KLF13: variants seen among roughly 807,000 people sequenced by gnomAD.
KLF13 encodes Krueppel-like factor 13.
In KLF13, 8 loss-of-function variants were observed where a neutral mutation model predicts 16.7. The ratio of observed to expected loss-of-function variants is 0.48; its 90% confidence interval spans 0.28 to 0.87. KLF13 has a LOEUF of 0.87. KLF13 is among the 40% of genes least tolerant of loss of function. The pLI is 0.10. For missense variants in KLF13, 447 were observed against 452.2 expected (o/e 0.99, Z 0.10); for synonymous variants, 245 against 208.4 (o/e 1.18, Z -1.51).
intron 1 of KLF13, among the ~76,000 whole-genome samples, chr15:31,422,375 C>T (rs1388180803): frequency 6.6e-6 from 1 of 152,134 alleles, no homozygotes; most frequent in East Asian, 1.9e-4. Flanking sequence ...AAAGGAGAAG[C>T]AGGCACCTTC....
intron 1 of KLF13, among the ~76,000 whole-genome samples, chr15:31,365,043 T>C (rs1006531346): frequency 3.3e-5 from 5 of 152,156 alleles, no homozygotes; most frequent in African/African-American, 1.2e-4. Flanking sequence ...GTGAACAGTC[T>C]TCCTGGAGTG....
downstream of KLF13, among the ~76,000 whole-genome samples, chr15:31,404,901 A>G (rs1189899334): frequency 6.6e-6 from 1 of 152,110 alleles, no homozygotes; most frequent in Non-Finnish European, 1.5e-5. Flanking sequence ...TAGGGTCTTC[A>G]CTCAGGGGTA....
chr15:31,332,277 C>T (rs147289553), intron 1 of KLF13, among the ~76,000 whole-genome samples: 21 of 152,334 alleles, frequency 1.4e-4, no homozygotes, highest in African/African-American at 4.8e-4. Context: ...TATTGTGTCA[C>T]GACTCCACCT....
intron 1 of KLF13, among the ~76,000 whole-genome samples, chr15:31,434,146 G>A (rs2040503151): frequency 6.6e-6 from 1 of 152,220 alleles, no homozygotes; most frequent in Non-Finnish European, 1.5e-5. Flanking sequence ...CAGGCTCGTT[G>A]CTTCGCGTCC....
intron 1 of KLF13, among the ~76,000 whole-genome samples, chr15:31,338,760 C>A (rs745483757): frequency 6.6e-6 from 1 of 152,010 alleles, no homozygotes; most frequent in South Asian, 2.1e-4. Flanking sequence ...TGGCCCTGGC[C>A]GGGTTAATGG....
chr15:31,362,153 T>C (rs1025760730), intron 1 of KLF13, among the ~76,000 whole-genome samples: 1 of 152,184 alleles, frequency 6.6e-6, no homozygotes, highest in African/African-American at 2.4e-5. Flanking sequence ...TGAAGGGGGC[T>C]TCTGACGTGG....
downstream of KLF13, among the ~76,000 whole-genome samples, chr15:31,379,456 A>G (rs1302935749): frequency 6.6e-6 from 1 of 151,960 alleles, no homozygotes; most frequent in Non-Finnish European, 1.5e-5. Flanking sequence ...AAAAAAAAAA[A>G]GCCTGTCAGT....
intron 1 of KLF13, among the ~76,000 whole-genome samples, chr15:31,385,280 C>G (rs1595489603): frequency 1.3e-5 from 2 of 152,334 alleles, no homozygotes; most frequent in South Asian, 4.1e-4. Flanking sequence ...AGACCAAGAG[C>G]ATGAAACCTA....
At chr15:31,356,276 G>A (rs1217200677) in intron 1 of KLF13, among the ~76,000 whole-genome samples, 1 of 152,138 alleles carries the variant, frequency 6.6e-6, no homozygotes, top group Non-Finnish European at 1.5e-5. Flanking sequence ...AGAACTGGCC[G>A]GGCGCGGTGG....
At chr15:31,388,712 AT>A (rs1173666530), upstream of KLF13, among the ~76,000 whole-genome samples, 2 of 143,260 alleles carry the variant, frequency 1.4e-5, no homozygotes, top group Non-Finnish European at 3.0e-5. Context: ...TGTTGGTTTT[AT>A]TTTTAAAATT....
intron 1 of KLF13, among the ~76,000 whole-genome samples, chr15:31,428,427 A>T (rs570220744): frequency 1.3e-5 from 2 of 152,358 alleles, no homozygotes; most frequent in South Asian, 4.1e-4. Flanking sequence ...TCATAAATTC[A>T]TCTTTAGATT....
At chr15:31,417,541 T>C (rs1189253301) in intron 1 of KLF13, among the ~76,000 whole-genome samples, 1 of 151,760 alleles carries the variant, frequency 6.6e-6, no homozygotes, top group Non-Finnish European at 1.5e-5. Flanking sequence ...GTATTCTGTC[T>C]TTTTTTTCCT....
intron 1 of KLF13, among the ~76,000 whole-genome samples, chr15:31,384,140 T>C (rs2039766698): frequency 1.3e-5 from 2 of 152,060 alleles, no homozygotes; most frequent in African/African-American, 4.8e-5. Context: ...TTTAAATGCA[T>C]AGAAAAAGGG....
At chr15:31,410,088 T>C (rs2141000408) in intron 1 of KLF13, among the ~76,000 whole-genome samples, 2 of 152,140 alleles carry the variant, frequency 1.3e-5, no homozygotes, top group Middle Eastern at 3.4e-3. Context: ...GTAAAATGTG[T>C]GACAATAGCA....
chr15:31,380,263 G>T (rs34330873), downstream of KLF13, among the ~76,000 whole-genome samples: 73,415 of 151,982 alleles, frequency 0.48, 17,906 homozygotes, highest in East Asian at 0.59. Context: ...CTGCACTTCA[G>T]CATGGACAAC....
intron 1 of KLF13, among the ~76,000 whole-genome samples, chr15:31,423,164 T>TACGTATACATATAC (rs371896440): frequency 2.4e-4 from 6 of 25,372 alleles, no homozygotes; most frequent in African/African-American, 1.8e-3. Context: ...CGTATATATA[T>TACGTATACATATAC]GTATATATAT....
chr15:31,395,510 C>T (rs1292310036), intron 2 of KLF13, among the ~76,000 whole-genome samples: 1 of 151,944 alleles, frequency 6.6e-6, no homozygotes, highest in Admixed American at 6.6e-5. Context: ...CGGGTATACA[C>T]CTAGGAGTGG....
chr15:31,369,594 A>C (rs896073149), intron 1 of KLF13, among the ~76,000 whole-genome samples: 18 of 152,082 alleles, frequency 1.2e-4, no homozygotes, highest in African/African-American at 4.1e-4. Flanking sequence ...CCTGAAGTTT[A>C]CCCAGCCTTT....
chr15:31,435,209 G>A (rs573240245), intron 1 of KLF13, among the ~76,000 whole-genome samples: 2 of 152,308 alleles, frequency 1.3e-5, no homozygotes, highest in South Asian at 2.1e-4. Flanking sequence ...CTTTGTCACA[G>A]TAAGGGACAC....
Sources: gnomAD v4.1 joint callset for allele counts (sites outside exome capture counted in the v4.1 genomes callset) on GRCh38, gnomAD v4.1.1 for gene constraint, MANE v1.5 for transcripts, NCBI Gene and HGNC (gene_info 2026-07-23, HGNC 2026-07-21) for gene names.